The following ONECUT2 variants were observed in gnomAD, a reference collection of about 807,000 sequenced individuals.
ONECUT2 encodes one cut homeobox 2, also known as one cut domain family member 2.
ONECUT2 carries 10 observed loss-of-function variants against 27.9 expected under a neutral mutation model. The ratio of observed to expected loss-of-function variants is 0.36; its 90% CI spans 0.22 to 0.61. The LOEUF is 0.61. Among genes scored for constraint, ONECUT2 ranks in the 20% least tolerant of loss-of-function variants. The probability of loss-of-function intolerance (pLI) is 0.73; values close to 1 mark genes in which losing one functional copy is unlikely to be tolerated. For synonymous variants in ONECUT2, 334 were observed against 315.1 expected, an observed-to-expected ratio of 1.06 and a Z score of -0.64; for missense variants, 686 against 721.0, an observed-to-expected ratio of 0.95 and a Z score of 0.56.
rs2050414125 is a variant in ONECUT2 at position 57,481,162 on chromosome 18, T to C, written c.*4439T>C. On this transcript the variant is annotated 3_prime_UTR_variant, in exon 2 of 2. Coordinates refer to ENST00000491143, the MANE Select transcript of ONECUT2 (RefSeq NM_004852.3). The stretch of plus-strand genomic sequence containing the variant: ...AAAACAGACAGAGCCAATACATTTC[T>C]TTTTTTAAAGGAAACAGCAACAACA... 7.1e-6 allele frequency: 1 copy of C among 140,554 alleles called. No homozygotes were observed. Among genetic ancestry groups the C allele is most frequent in the South Asian group, 2.1e-4 (1 of 4,662 alleles). 8.7% of individuals were successfully genotyped at this position (140,554 alleles called of 1,614,324 possible).
At position 57,484,338 on chromosome 18, in the gene ONECUT2, C is replaced by T. The variant is rs953274714; in HGVS notation, c.*7615C>T. The stretch of plus-strand genomic sequence containing the variant: ...CCAAAGATTTCTTTCTCTGTGCGGT[C>T]TGCATTTTGCTTGTGCTCTTTTATA... On this transcript the variant is annotated 3_prime_UTR_variant, in exon 2 of 2. Transcript: ENST00000491143. 1 of 152,622 alleles carries T rather than the reference C, an allele frequency of 6.6e-6. No homozygotes were observed. The highest frequency in any genetic ancestry group is 1.5e-5 in the Non-Finnish European group (1 of 68,032). The allele number at this position is 152,622 out of a possible 1,614,324, so 9.5% of individuals were successfully genotyped here.
chr18:57,482,854 A>C lies in ONECUT2; in HGVS notation c.*6131A>C, dbSNP rs2050422179. 6.6e-6 allele frequency: 1 copy of C among 152,630 alleles called. No homozygotes were observed. Among genetic ancestry groups the C allele is most frequent in the Admixed American group, 6.5e-5 (1 of 15,308 alleles). 9.5% of individuals were successfully genotyped at this position (152,630 alleles called of 1,614,324 possible). A position where few individuals can be genotyped will look rare whatever the true frequency, so the allele number is the denominator to read the frequency against. ...CGTTTAACATGTATGTGGTACTTCTACAGTGTACATTGTTTTCATTATTTA... is the reference window on the plus strand; with the variant it reads ...CGTTTAACATGTATGTGGTACTTCTCCAGTGTACATTGTTTTCATTATTTA... On this transcript the variant is annotated 3_prime_UTR_variant, in exon 2 of 2. Transcript: ENST00000491143.
chr18:57,444,501 C>T (rs2050191522), intron 1 of ONECUT2: 2 of 453,534 alleles, frequency 4.4e-6, no homozygotes, highest in African/African-American at 2.0e-5. Flanking sequence ...ACCCCAGTGC[C>T]CTTGAGCATG....
At position 57,477,877 on chromosome 18, in the gene ONECUT2, A is replaced by G. The variant is rs2050393410; in HGVS notation, c.*1154A>G. On this transcript the variant is annotated 3_prime_UTR_variant, in exon 2 of 2. Coordinates refer to ENST00000491143, the MANE Select transcript of ONECUT2 (RefSeq NM_004852.3). ...TTTCTGTGTTTTCTAGCAAGAAAAA[A>G]AAATCAATCAATCAAACCTGCATAC... is the stretch of plus-strand genomic sequence containing the variant. The G allele has an allele frequency of 1.3e-5, 2 of 152,710 alleles. No homozygotes were observed. Among genetic ancestry groups the G allele is most frequent in the South Asian group, 4.1e-4 (2 of 4,820 alleles). The allele number at this position is 152,710 out of a possible 1,614,324, so 9.5% of individuals were successfully genotyped here.
rs769522402 is a variant in ONECUT2 at position 57,435,830 on chromosome 18, C to A, written c.114C>A (p.Gly38=). The change falls in exon 1 of 2, where the codon GGC becomes GGA. Residue 38 remains glycine (G), a synonymous_variant. Transcript: ENST00000491143. ...SLGTLHGPAG[G]GSGGGGGGGG... is the part of the protein sequence containing the mutation. Reference sequence around the variant, plus strand: ...GCACTTTGCACGGGCCGGCCGGCGGCGGCAGTGGCGGGGGCGGCGGCGGGG... The same window carrying A: ...GCACTTTGCACGGGCCGGCCGGCGGAGGCAGTGGCGGGGGCGGCGGCGGGG... The A allele has an allele frequency of 9.2e-7, 1 of 1,083,550 alleles. No individual in the cohort carries two copies. The highest frequency in any genetic ancestry group is 1.7e-5 in the African/African-American group (1 of 58,550). 67.1% of individuals were successfully genotyped at this position (1,083,550 alleles called of 1,614,324 possible).
chr18:57,446,130 A>C (rs1398503808), intron 1 of ONECUT2, among the ~76,000 whole-genome samples: 1 of 152,246 alleles, frequency 6.6e-6, no homozygotes, highest in Non-Finnish European at 1.5e-5. Flanking sequence ...TTGGGGTCGC[A>C]TCCTGCTGGC....
intron 1 of ONECUT2, among the ~76,000 whole-genome samples, chr18:57,466,669 G>A (rs2050322914): frequency 6.6e-6 from 1 of 152,196 alleles, no homozygotes; most frequent in Admixed American, 6.5e-5. Context: ...GGAAATAAAA[G>A]CCCCACTGGA....
chr18:57,459,109 C>G (rs2050276116), intron 1 of ONECUT2, among the ~76,000 whole-genome samples: 1 of 152,032 alleles, frequency 6.6e-6, no homozygotes, highest in African/African-American at 2.4e-5. Context: ...CAAATGTGGT[C>G]TCAGTTCTCC....
intron 1 of ONECUT2, among the ~76,000 whole-genome samples, chr18:57,462,813 C>A (rs1030042530): frequency 7.0e-6 from 1 of 143,840 alleles, no homozygotes; most frequent in Non-Finnish European, 1.5e-5. Context: ...CTCACTGGAA[C>A]CTCTGCCTCC....
chr18:57,439,386 G>T (rs539920162), intron 1 of ONECUT2, among the ~76,000 whole-genome samples: 2 of 152,362 alleles, frequency 1.3e-5, no homozygotes, highest in East Asian at 3.9e-4. Flanking sequence ...TGAGGACCCC[G>T]CTTTGCTCGA....
chr18:57,471,866 C>T (rs1028508361), intron 1 of ONECUT2, among the ~76,000 whole-genome samples: 6 of 152,280 alleles, frequency 3.9e-5, no homozygotes, highest in African/African-American at 1.2e-4. Flanking sequence ...TACATAGGAC[C>T]TGCTTCCCTG....
chr18:57,435,551 C>A lies in ONECUT2; in HGVS notation c.-166C>A, dbSNP rs1325929853. 1 of 188,178 alleles carries A rather than the reference C, an allele frequency of 5.3e-6. No homozygotes were observed. Among genetic ancestry groups the A allele is most frequent in the Non-Finnish European group, 9.6e-6 (1 of 104,120 alleles). 11.7% of individuals were successfully genotyped at this position (188,178 alleles called of 1,614,324 possible). On this transcript the variant is annotated 5_prime_UTR_variant, in exon 1 of 2. Coordinates refer to ENST00000491143, the MANE Select transcript of ONECUT2 (RefSeq NM_004852.3). ...CCGTCCGCCCCCACCCCGCCCCCAC[C>A]CCGGGCGAGCCCGCCCGCAGCCCGG...
chr18:57,445,711 A>AGG (rs1292832452), intron 1 of ONECUT2, among the ~76,000 whole-genome samples: 4 of 152,260 alleles, frequency 2.6e-5, no homozygotes, highest in Admixed American at 1.3e-4. Context: ...GTGTTGAACA[A>AGG]GGGATCAGTC....
At chr18:57,459,056 G>A (rs2050275848) in intron 1 of ONECUT2, among the ~76,000 whole-genome samples, 1 of 151,980 alleles carries the variant, frequency 6.6e-6, no homozygotes. Context: ...GTTTGGCATT[G>A]TTTTTTATAT....
rs1320186601 is a variant in ONECUT2, at chr18:57,436,070, C to T, written c.354C>T (p.Asp118=). The T allele has an allele frequency of 1.3e-6, 2 of 1,596,670 alleles. No homozygotes were observed. Among genetic ancestry groups the T allele is most frequent in the Non-Finnish European group, 1.7e-6 (2 of 1,177,950 alleles). Residue 118 remains aspartate, a synonymous_variant, in exon 1 of 2, where the codon GAC becomes GAT. Coordinates refer to ENST00000491143, the MANE Select transcript of ONECUT2 (RefSeq NM_004852.3). The surrounding 1 kb of genome is among the most constrained non-coding windows in gnomAD (Gnocchi z 5.9). ...TGGCCTCGATCCTGGACGGCGGCGA[C>T]TACCGGCCCGAGCTCTCCATCCCGC... The part of the protein sequence containing the change: ...TSMASILDGG[D]YRPELSIPLH...
chr18:57,476,767 C>G lies in ONECUT2; in HGVS notation c.*44C>G. ...GGCACAAGTCACCTCCAAATGAGGACAACAGATACCAAAAGAAAACAAAGG... is the reference window on the plus strand; with the variant it reads ...GGCACAAGTCACCTCCAAATGAGGAGAACAGATACCAAAAGAAAACAAAGG... On this transcript the variant is annotated 3_prime_UTR_variant, in exon 2 of 2. Transcript: ENST00000491143. 2 of 1,579,978 alleles carry G rather than the reference C, an allele frequency of 1.3e-6. No individual in the cohort carries two copies. Among genetic ancestry groups the G allele is most frequent in the South Asian group, 2.3e-5 (2 of 87,402 alleles).
intron 1 of ONECUT2, among the ~76,000 whole-genome samples, chr18:57,446,497 A>C (rs2050201111): frequency 6.6e-6 from 1 of 152,004 alleles, no homozygotes; most frequent in Admixed American, 6.6e-5. Context: ...CGGGGAGCAC[A>C]GTCAGGGCTT....
intron 1 of ONECUT2, among the ~76,000 whole-genome samples, chr18:57,457,631 C>T (rs1357366320): frequency 6.6e-6 from 1 of 152,160 alleles, no homozygotes; most frequent in Non-Finnish European, 1.5e-5. Flanking sequence ...CCACTGTACT[C>T]CAGCAGCTTA....
chr18:57,457,234 C>T (rs2050264714), intron 1 of ONECUT2, among the ~76,000 whole-genome samples: 1 of 152,128 alleles, frequency 6.6e-6, no homozygotes, highest in Non-Finnish European at 1.5e-5. Context: ...CAGCAGCCAT[C>T]CTAATGGGAA....
Sources: gnomAD v4.1 joint callset for allele counts (sites outside exome capture counted in the v4.1 genomes callset) on GRCh38, gnomAD v4.1.1 for gene constraint, Gnocchi (gnomAD v3.1) non-coding constraint, MANE v1.5 for transcripts, NCBI Gene and HGNC (gene_info 2026-07-23, HGNC 2026-07-21) for gene names.